Variants in FGD6 observed in about 807,000 individuals in gnomAD.
FGD6 encodes the protein FYVE, RhoGEF and PH domain containing 6, also known as FYVE, RhoGEF and PH domain-containing protein 6.
Under a neutral mutation model 149.4 loss-of-function variants are expected in FGD6, and 90 were observed. That is an observed-to-expected ratio of 0.60 (90% CI 0.51 to 0.72). FGD6 has a LOEUF of 0.72. Among genes scored for constraint, FGD6 ranks in the 30% least tolerant of loss-of-function variants. The probability of loss-of-function intolerance (pLI) is 0.00; values close to 1 mark genes in which losing one functional copy is unlikely to be tolerated. For synonymous variants in FGD6, 527 were observed against 584.0 expected (o/e 0.90, Z 1.41); for missense variants, 1,437 against 1,684.8 (o/e 0.85, Z 2.57).
rs1320703890 is a variant in FGD6, at chr12:95,080,898, G to A, written c.*622C>T. 1 of 152,146 alleles carries A rather than the reference G, an allele frequency of 6.6e-6. No homozygotes were observed. Among genetic ancestry groups the A allele is most frequent in the African/African-American group, 2.4e-5 (1 of 41,428 alleles). 9.4% of individuals were successfully genotyped at this position (152,146 alleles called of 1,614,324 possible). Reference sequence around the variant, plus strand: ...TATCTCTTTGCTATAATTCTTTGATGATGTAATATTAACTCCTGCCAAAGA... The same window carrying A: ...TATCTCTTTGCTATAATTCTTTGATAATGTAATATTAACTCCTGCCAAAGA... On this transcript the variant is annotated 3_prime_UTR_variant, in exon 21 of 21. Coordinates refer to ENST00000343958, the MANE Select transcript of FGD6 (RefSeq NM_018351.4).
intron 8 of FGD6, among the ~76,000 whole-genome samples, chr12:95,116,026 C>G (rs1407249997): frequency 1.3e-5 from 2 of 151,738 alleles, no homozygotes; most frequent in Non-Finnish European, 2.9e-5. Flanking sequence ...ATGAAGAGAG[C>G]ATCCCCCGCA....
intron 2 of FGD6, among the ~76,000 whole-genome samples, chr12:95,177,873 C>T (rs912818033): frequency 4.6e-5 from 7 of 151,658 alleles, no homozygotes; most frequent in Non-Finnish European, 1.0e-4. Flanking sequence ...TCCACTGTCA[C>T]AGTAAAACCA....
chr12:95,179,580 T>C (rs1881221594), intron 2 of FGD6, among the ~76,000 whole-genome samples: 3 of 152,076 alleles, frequency 2.0e-5, no homozygotes, highest in Non-Finnish European at 2.9e-5. Context: ...ACAAGACAAC[T>C]CTGAAAATTG....
intron 3 of FGD6, among the ~76,000 whole-genome samples, chr12:95,156,519 C>T (rs1880476326): frequency 6.6e-6 from 1 of 152,164 alleles, no homozygotes. Flanking sequence ...AAGATGTTAT[C>T]AATGACAATG....
rs755558648 is a variant in FGD6, at chr12:95,137,539, C to T, written c.2977G>A (p.Val993Ile). ...GCAAATACCTCAAATTCTCTAACAA[C>T]AGCAGCAAAACCTGGATTTTTCTTG... ...QCKKNPGFAA[V>I]VREFEMSPRC... The change falls in exon 7 of 21, where the codon GTT becomes ATT. Residue 993 changes from valine to isoleucine, a missense_variant. Val to Ile is a conservative substitution (Grantham distance 29, BLOSUM62 3). Around this residue, in one of 2 missense-constraint regions of FGD6, gnomAD observed 382 missense variants for 538.7 expected, o/e 0.71. Coordinates refer to ENST00000343958, the MANE Select transcript of FGD6 (RefSeq NM_018351.4). The T allele has an allele frequency of 1.9e-6, 3 of 1,593,356 alleles. No homozygotes were observed. Among genetic ancestry groups the T allele is most frequent in the South Asian group, 1.2e-5 (1 of 86,492 alleles).
chr12:95,121,450 C>CAA (rs1326575097), intron 8 of FGD6, among the ~76,000 whole-genome samples: 23,552 of 104,806 alleles, frequency 0.22, 2,847 homozygotes, highest in African/African-American at 0.33. Flanking sequence ...AATTCCGTCT[C>CAA]AAAAAAAAAA....
chr12:95,150,789 A>G (rs956717104), intron 5 of FGD6, among the ~76,000 whole-genome samples: 6 of 152,042 alleles, frequency 3.9e-5, no homozygotes, highest in Non-Finnish European at 8.8e-5. Flanking sequence ...CCTATCATTA[A>G]AAAAAGAAAA....
Position 95,077,874 on chromosome 12 carries a change from G to A in FGD6, c.*3646C>T, listed in dbSNP as rs1165493639. On this transcript the variant is annotated 3_prime_UTR_variant, in exon 21 of 21. Transcript: ENST00000343958. The stretch of plus-strand genomic sequence containing the variant: ...GTTTTATTCATGTAAAGTCTGAGAT[G>A]CTTGAGGACTCATATAGATAGCCAA... 6.6e-6 allele frequency: 1 copy of A among 152,208 alleles called. No individual in the cohort carries two copies. Among genetic ancestry groups the A allele is most frequent in the Non-Finnish European group, 1.5e-5 (1 of 68,042 alleles). The allele number at this position is 152,208 out of a possible 1,614,324, so 9.4% of individuals were successfully genotyped here. A position where few individuals can be genotyped will look rare whatever the true frequency, so the allele number is the denominator to read the frequency against.
At chr12:95,090,821 G>A (rs1878028903) in intron 17 of FGD6, among the ~76,000 whole-genome samples, 1 of 152,198 alleles carries the variant, frequency 6.6e-6, no homozygotes. Context: ...ATCCTGGCCA[G>A]GCGTGGTGCC....
intron 2 of FGD6, among the ~76,000 whole-genome samples, chr12:95,178,233 A>T (rs983812395): frequency 2.0e-5 from 3 of 152,176 alleles, no homozygotes; most frequent in Non-Finnish European, 2.9e-5. Context: ...GGCCATTTGC[A>T]TCCTCCAAAA....
intron 3 of FGD6, among the ~76,000 whole-genome samples, chr12:95,161,628 T>C (rs1373649214): frequency 2.0e-5 from 3 of 152,206 alleles, no homozygotes; most frequent in Admixed American, 1.3e-4. Flanking sequence ...TCATTTTTTT[T>C]CCCATTAGGT....
chr12:95,209,029 C>G lies in FGD6; in HGVS notation c.2255G>C (p.Arg752Pro). ...GTACTCTGGTATTTCCTCATAATGG[C>G]GTATATTTTCATACTCCGGTGCACA... ...SLCAPEYENIRHYEEIPEYEN... is the reference protein window; with the variant it reads ...SLCAPEYENIPHYEEIPEYEN... The change falls in exon 2 of 21, where the codon CGC becomes CCC. Residue 752 changes from arginine (R) to proline (P), a missense_variant. Arg to Pro is a moderately radical substitution (Grantham distance 103). This residue lies in a region of FGD6 where 1,055 missense variants were observed against 1,146.0 expected (regional missense o/e 0.92). Transcript: ENST00000343958. 6.2e-7 allele frequency: 1 copy of G among 1,614,086 alleles called. No homozygotes were observed. The highest frequency in any genetic ancestry group is 8.5e-7 in the Non-Finnish European group (1 of 1,180,020).
chr12:95,169,846 C>A (rs559275234), intron 3 of FGD6, among the ~76,000 whole-genome samples: 1 of 152,116 alleles, frequency 6.6e-6, no homozygotes, highest in Non-Finnish European at 1.5e-5. Context: ...TGAGGCCAGG[C>A]GTGGTGGCTC....
chr12:95,146,747 ATAT>A (rs1469404357), intron 5 of FGD6, among the ~76,000 whole-genome samples: 1 of 151,038 alleles, frequency 6.6e-6, no homozygotes, highest in African/African-American at 2.5e-5. Context: ...GCATATGATA[ATAT>A]TATTCTTACT....
intron 3 of FGD6, among the ~76,000 whole-genome samples, chr12:95,153,966 CAG>C (rs1310650746): frequency 3.8e-5 from 5 of 130,684 alleles, no homozygotes; most frequent in Admixed American, 7.6e-5. Flanking sequence ...AGAGAAGAGA[CAG>C]AGAGAGAGAG....
intron 8 of FGD6, among the ~76,000 whole-genome samples, chr12:95,131,721 T>C (rs1343729402): frequency 6.6e-6 from 1 of 152,188 alleles, no homozygotes; most frequent in Admixed American, 6.6e-5. Flanking sequence ...AAGCCATTCA[T>C]CACTTTTCCC....
In FGD6 at chr12:95,210,430, G is replaced by T. The variant is rs760165642; in HGVS notation, c.854C>A (p.Ser285Tyr). The T allele has an allele frequency of 6.2e-7, 1 of 1,614,112 alleles. No individual in the cohort carries two copies. The highest frequency in any genetic ancestry group is 2.2e-5 in the East Asian group (1 of 44,886). Residue 285 changes from serine (S) to tyrosine (Y), a missense_variant, in exon 2 of 21, where the codon TCT becomes TAT. This residue lies in a region of FGD6 where 1,055 missense variants were observed against 1,146.0 expected (regional missense o/e 0.92). Transcript: ENST00000343958. ...LENGKRSTLI[S>Y]SDGVSKKSEV... ...TGATTTCTTACTAACTCCATCTGAA[G>T]ATATTAAAGTACTCCTTTTCCCATT...
intron 8 of FGD6, 114 bp from the exon 9 acceptor site, chr12:95,113,815 A>G (rs1368156866): frequency 1.3e-5 from 7 of 558,352 alleles, no homozygotes; most frequent in South Asian, 9.2e-5. Flanking sequence ...TGCTAGTCCA[A>G]CTTGTGCTAA....
intron 2 of FGD6, among the ~76,000 whole-genome samples, chr12:95,182,073 C>A (rs1007751685): frequency 6.6e-6 from 1 of 152,076 alleles, no homozygotes; most frequent in Non-Finnish European, 1.5e-5. Context: ...TTCTCCCCTT[C>A]ACATCCTCAT....
Sources: allele counts gnomAD v4.1 joint callset (sites outside exome capture counted in the v4.1 genomes callset), GRCh38; gene constraint gnomAD v4.1.1; regional missense constraint gnomAD v4.1.1; transcripts MANE v1.5; gene names NCBI Gene and HGNC (gene_info 2026-07-23, HGNC 2026-07-21).